The following SUSD6 variants were observed in gnomAD, a reference collection of about 807,000 sequenced individuals.
SUSD6 encodes sushi domain containing 6, also known as sushi domain-containing protein 6.
SUSD6 carries 16 observed loss-of-function variants against 28.4 expected under a neutral mutation model. The ratio of observed to expected loss-of-function variants is 0.56; its 90% CI spans 0.38 to 0.86. The LOEUF (loss-of-function observed/expected upper bound fraction) is 0.86. Ranked by LOEUF, SUSD6 falls within the 40% of genes least tolerant of loss-of-function variation. The pLI is 0.00. For missense variants in SUSD6, 341 were observed against 384.2 expected (o/e 0.89, Z 0.94); for synonymous variants, 147 against 159.6 (o/e 0.92, Z 0.59).
chr14:69,639,967 T>TTG (rs1555343351), intron 1 of SUSD6, among the ~76,000 whole-genome samples: 3 of 148,400 alleles, frequency 2.0e-5, no homozygotes, highest in South Asian at 4.5e-4. Context: ...TTTTTTTTTT[T>TTG]TTTTTTTTTT....
intron 2 of SUSD6, among the ~76,000 whole-genome samples, chr14:69,672,314 T>A (rs1030692964): frequency 6.6e-5 from 10 of 151,240 alleles, no homozygotes; most frequent in Non-Finnish European, 8.9e-5. Flanking sequence ...ATCATTAAAA[T>A]TTTTTTTTTC....
chr14:69,616,322 C>T (rs1884959481), intron 1 of SUSD6, among the ~76,000 whole-genome samples: 1 of 152,196 alleles, frequency 6.6e-6, no homozygotes, highest in Non-Finnish European at 1.5e-5. Context: ...CAACCTACTG[C>T]CAGCAGTGAC....
chr14:69,694,538 G>T (rs759598437), intron 2 of SUSD6, among the ~76,000 whole-genome samples: 1 of 152,186 alleles, frequency 6.6e-6, no homozygotes, highest in African/African-American at 2.4e-5. Flanking sequence ...CTTGGAGATG[G>T]GTGGGGTTCC....
At position 69,611,629 on chromosome 14, in the gene SUSD6, G is replaced by C. The variant is rs867419690; in HGVS notation, c.-280G>C. 6.7e-6 allele frequency: 1 copy of C among 149,480 alleles called. No homozygotes were observed. The allele number at this position is 149,480 out of a possible 1,614,324, so 9.3% of individuals were successfully genotyped here. On this transcript the variant is annotated 5_prime_UTR_variant, in exon 1 of 6. Transcript: ENST00000342745. ...GGGCGCTGCAGCCGTCGCTACCGCC[G>C]CGTTCTATTCTCCGAAGCCGGCGAC...
intron 2 of SUSD6, among the ~76,000 whole-genome samples, chr14:69,697,646 T>TTA (rs2139641835): frequency 6.6e-6 from 1 of 152,356 alleles, no homozygotes; most frequent in East Asian, 1.9e-4. Context: ...TGTGGCCATG[T>TTA]TATATTTCTG....
chr14:69,614,312 C>T (rs12590789), intron 1 of SUSD6, among the ~76,000 whole-genome samples: 72,853 of 152,020 alleles, frequency 0.48, 20,228 homozygotes, highest in East Asian at 0.69. Flanking sequence ...GGTGATCTGC[C>T]CGTCTTGGCC....
At chr14:69,650,736 T>C (rs1885492233) in intron 1 of SUSD6, among the ~76,000 whole-genome samples, 1 of 152,028 alleles carries the variant, frequency 6.6e-6, no homozygotes, top group South Asian at 2.1e-4. Flanking sequence ...ATCTCTGCAG[T>C]GTGCAGAGGC....
intron 1 of SUSD6, among the ~76,000 whole-genome samples, chr14:69,640,638 G>A (rs1027689242): frequency 4.6e-5 from 7 of 152,280 alleles, no homozygotes; most frequent in African/African-American, 1.7e-4. Context: ...CACCTGGTGT[G>A]AAAAATAAAT....
At chr14:69,671,639 G>T (rs936048258) in intron 2 of SUSD6, among the ~76,000 whole-genome samples, 3 of 152,192 alleles carry the variant, frequency 2.0e-5, no homozygotes, top group African/African-American at 7.2e-5. Context: ...AGCAGCTGGC[G>T]TCTGGGCCCT....
chr14:69,670,686 A>G (rs925874298), intron 2 of SUSD6, among the ~76,000 whole-genome samples: 2 of 152,276 alleles, frequency 1.3e-5, no homozygotes, highest in African/African-American at 4.8e-5. Flanking sequence ...ATGATAACGT[A>G]CATACCATAT....
chr14:69,641,245 TTTC>T (rs1457541325), intron 1 of SUSD6, among the ~76,000 whole-genome samples: 4 of 152,196 alleles, frequency 2.6e-5, no homozygotes, highest in Admixed American at 6.5e-5. Flanking sequence ...TCTTTTTGTG[TTTC>T]TTCTTCTTCT....
At chr14:69,685,612 G>C (rs564937708) in intron 2 of SUSD6, among the ~76,000 whole-genome samples, 1 of 152,122 alleles carries the variant, frequency 6.6e-6, no homozygotes, top group Non-Finnish European at 1.5e-5. Flanking sequence ...TTGGAGCCTC[G>C]ATACTTTCCT....
At chr14:69,658,247 G>A (rs1220490600) in intron 1 of SUSD6, among the ~76,000 whole-genome samples, 2 of 152,108 alleles carry the variant, frequency 1.3e-5, no homozygotes, top group African/African-American at 2.4e-5. Flanking sequence ...GGCAGAGCTG[G>A]GCAGTTTCTG....
chr14:69,619,595 A>G (rs1484860403), intron 1 of SUSD6, among the ~76,000 whole-genome samples: 1 of 146,560 alleles, frequency 6.8e-6, no homozygotes, highest in Non-Finnish European at 1.5e-5. Flanking sequence ...CCACATCTCT[A>G]CAGAAAAAAA....
At chr14:69,668,343 G>A (rs1245885313) in intron 2 of SUSD6, among the ~76,000 whole-genome samples, 2 of 152,098 alleles carry the variant, frequency 1.3e-5, no homozygotes, top group Admixed American at 1.3e-4. Flanking sequence ...TAGTTTGAAA[G>A]TATATCCCCA....
chr14:69,691,704 G>T (rs1185290846), intron 2 of SUSD6, among the ~76,000 whole-genome samples: 4 of 152,118 alleles, frequency 2.6e-5, no homozygotes, highest in African/African-American at 7.2e-5. Flanking sequence ...TCCCCATTCT[G>T]CATTTAGTGA....
intron 1 of SUSD6, among the ~76,000 whole-genome samples, chr14:69,633,200 C>T (rs992778034): frequency 1.3e-5 from 2 of 152,250 alleles, no homozygotes; most frequent in African/African-American, 4.8e-5. Context: ...CTTACTGATC[C>T]AAGGCAGAAT....
chr14:69,633,966 G>A lies in SUSD6; in HGVS notation c.-81+22138G>A, dbSNP rs183255403. 1.5e-3 allele frequency among the ~76,000 whole-genome samples: 235 copies of A among 152,306 alleles called. 2 individuals are homozygous for A. The highest frequency in any genetic ancestry group is 0.014 in the Middle Eastern group (4 of 294). On this transcript the variant is annotated intron_variant, in intron 1 of 5. Coordinates refer to ENST00000342745, the MANE Select transcript of SUSD6 (RefSeq NM_014734.4). Reference sequence around the variant, plus strand: ...TGGAGCACAGCAGCAGCTGGAGGCTGGGGACCATCCAGTTTTAGGACTCTG... The same window carrying A: ...TGGAGCACAGCAGCAGCTGGAGGCTAGGGACCATCCAGTTTTAGGACTCTG...
chr14:69,686,131 A>G (rs1886069309), intron 2 of SUSD6, among the ~76,000 whole-genome samples: 3 of 152,260 alleles, frequency 2.0e-5, no homozygotes, highest in Non-Finnish European at 4.4e-5. Flanking sequence ...AATTCAATGA[A>G]TGTGCCAGAA....
Sources: allele counts gnomAD v4.1 joint callset (sites outside exome capture counted in the v4.1 genomes callset), GRCh38; gene constraint gnomAD v4.1.1; transcripts MANE v1.5; gene names NCBI Gene and HGNC (gene_info 2026-07-23, HGNC 2026-07-21).